TLE3: variants seen among roughly 807,000 people sequenced by gnomAD.
TLE3 encodes the protein TLE family member 3, transcriptional corepressor.
In TLE3, 14 loss-of-function variants were observed where a neutral mutation model predicts 93.0. The observed-to-expected ratio is 0.15, with a 90% CI of 0.10 to 0.24. TLE3 has a LOEUF of 0.24. TLE3 is among the 10% of genes least tolerant of loss of function. The pLI, the probability that TLE3 is intolerant of heterozygous loss-of-function variation, is 1.00. For synonymous variants in TLE3, 451 were observed against 425.0 expected (o/e 1.06, Z -0.75); for missense variants, 693 against 1,046.6 (o/e 0.66, Z 4.66).
At chr15:70,065,983 C>G (rs772409231) in intron 7 of TLE3, 31 bp downstream of exon 7, 19 of 1,466,128 alleles carry the variant, frequency 1.3e-5, no homozygotes, top group Middle Eastern at 2.1e-4. Context: ...ACCCCTGCCC[C>G]GCCCCACCCT....
chr15:70,067,450 C>T (rs2056883168), intron 6 of TLE3, among the ~76,000 whole-genome samples: 2 of 152,248 alleles, frequency 1.3e-5, no homozygotes, highest in Admixed American at 1.3e-4. Flanking sequence ...TAGTAATTGG[C>T]CAAATCCCAC....
intron 16 of TLE3, chr15:70,053,911 C>T (rs1305637010): frequency 6.2e-6 from 1 of 160,130 alleles, no homozygotes; most frequent in Non-Finnish European, 1.4e-5. Context: ...CCCATGTATA[C>T]AAGAGTCAGC....
chr15:70,074,232 G>A (rs979206665), intron 6 of TLE3, among the ~76,000 whole-genome samples: 4 of 152,202 alleles, frequency 2.6e-5, no homozygotes, highest in African/African-American at 9.6e-5. Context: ...GTGACCCTAG[G>A]CCCCCACCCT....
rs758240165 is a variant in TLE3 at position 70,096,791 on chromosome 15, G to A, written c.8C>T (p.Pro3Leu). MY[P>L]QGRHPAPHQP... is the part of the protein sequence containing the mutation. ...ATTACTCACCGGATGTCTGCCCTGC[G>A]GATACATGGCAGGGAGGGGTCGTGA... is the stretch of plus-strand genomic sequence containing the variant. The change falls in exon 1 of 20, where the codon CCG becomes CTG. Residue 3 changes from proline to leucine, a missense_variant. Pro to Leu is a moderately conservative substitution (Grantham distance 98). This residue lies in a region of TLE3 where 31 missense variants were observed against 24.0 expected (regional missense o/e 1.29). Coordinates refer to ENST00000451782, the MANE Select transcript of TLE3 (RefSeq NM_001105192.3). 1.2e-6 allele frequency: 2 copies of A among 1,613,244 alleles called. No individual in the cohort carries two copies. The highest frequency in any genetic ancestry group is 1.3e-5 in the African/African-American group (1 of 75,028).
At position 70,050,027 on chromosome 15, in the gene TLE3, G is replaced by A. The variant is rs79517073; in HGVS notation, c.*70C>T. 9.7e-5 allele frequency: 138 copies of A among 1,419,090 alleles called. No individual in the cohort carries two copies. The East Asian group carries it at 1.1e-3, about 12-fold the overall frequency. The allele number at this position is 1,419,090 out of a possible 1,614,324, so 87.9% of individuals were successfully genotyped here. A position where few individuals can be genotyped will look rare whatever the true frequency, so the allele number is the denominator to read the frequency against. ...TCCTCCGCCATCCTCGGGGCCCCTC[G>A]CCTGGGGGTCTCCCTGTCAGAGCCG... On this transcript the variant is annotated 3_prime_UTR_variant, in exon 20 of 20. Coordinates refer to ENST00000451782, the MANE Select transcript of TLE3 (RefSeq NM_001105192.3).
At chr15:70,073,356 C>T (rs183892881) in intron 6 of TLE3, among the ~76,000 whole-genome samples, 11 of 152,208 alleles carry the variant, frequency 7.2e-5, no homozygotes, top group Non-Finnish European at 1.3e-4. Flanking sequence ...CTGCCCCAGG[C>T]GGAAAAGTCA....
At chr15:70,052,350 G>A (rs1403950256) in intron 18 of TLE3, 24 bp downstream of exon 18, 1 of 1,610,666 alleles carries the variant, frequency 6.2e-7, no homozygotes, top group Non-Finnish European at 8.5e-7. Flanking sequence ...CACTCCATCA[G>A]GCCTGGGCCC....
At chr15:70,061,640 T>C (rs905170861) in intron 8 of TLE3, among the ~76,000 whole-genome samples, 1 of 152,086 alleles carries the variant, frequency 6.6e-6, no homozygotes, top group Non-Finnish European at 1.5e-5. Flanking sequence ...GAGACTAATA[T>C]CAGGACCAAT....
Position 70,050,034 on chromosome 15 carries a change from G to C in TLE3, c.*63C>G. ...CCATCCTCGGGGCCCCTCGCCTGGG[G>C]GTCTCCCTGTCAGAGCCGAGTCGGT... is the stretch of plus-strand genomic sequence containing the variant. On this transcript the variant is annotated 3_prime_UTR_variant, in exon 20 of 20. Coordinates refer to ENST00000451782, the MANE Select transcript of TLE3 (RefSeq NM_001105192.3). The C allele has an allele frequency of 6.8e-7, 1 of 1,460,030 alleles. No individual in the cohort carries two copies. Among genetic ancestry groups the C allele is most frequent in the Non-Finnish European group, 9.6e-7 (1 of 1,042,526 alleles). 90.4% of individuals were successfully genotyped at this position (1,460,030 alleles called of 1,614,324 possible).
intron 12 of TLE3, chr15:70,057,939 G>T: frequency 1.2e-6 from 1 of 809,042 alleles, no homozygotes; most frequent in Non-Finnish European, 1.9e-6. Flanking sequence ...GATTTTGGGA[G>T]CCCTGACCCG....
At chr15:70,092,284 G>C (rs558439408) in intron 4 of TLE3, among the ~76,000 whole-genome samples, 1 of 152,172 alleles carries the variant, frequency 6.6e-6, no homozygotes, top group South Asian at 2.1e-4. Context: ...TGCATTTCAC[G>C]GCACAGGTTT....
chr15:70,066,062 G>A lies in TLE3; in HGVS notation c.529C>T (p.His177Tyr), dbSNP rs746365780. Residue 177 changes from histidine to tyrosine, a missense_variant, in exon 7 of 20, where the codon CAT becomes TAT. By Grantham distance (83) the His-to-Tyr change is moderately conservative (BLOSUM62 2). Transcript: ENST00000451782. Reference sequence around the variant, plus strand: ...TTCTTCTCATCCTTCACCGTCAGATGGGCCTGGCTGCCCAGGGCGCCCAGT... The same window carrying A: ...TTCTTCTCATCCTTCACCGTCAGATAGGCCTGGCTGCCCAGGGCGCCCAGT... ...LALGALGSQA[H>Y]LTVKDEKNHH... 6.4e-7 allele frequency: 1 copy of A among 1,572,888 alleles called. No homozygotes were observed. The highest frequency in any genetic ancestry group is 1.1e-5 in the South Asian group (1 of 89,610).
intron 4 of TLE3, among the ~76,000 whole-genome samples, chr15:70,091,950 A>G (rs1289289537): frequency 6.6e-6 from 1 of 152,176 alleles, no homozygotes; most frequent in Non-Finnish European, 1.5e-5. Flanking sequence ...CATCTATTAT[A>G]TAAAAGTACA....
At chr15:70,050,272 C>T in intron 19 of TLE3, 68 bp from the exon 20 acceptor site, 2 of 1,216,328 alleles carry the variant, frequency 1.6e-6, no homozygotes. Flanking sequence ...GACAGGAATT[C>T]ATTTTCCAGT....
chr15:70,052,859 G>A (rs1006831622), intron 17 of TLE3: 1 of 304,520 alleles, frequency 3.3e-6, no homozygotes, highest in Non-Finnish European at 6.0e-6. Context: ...TTTACTGAAT[G>A]CTTTCTGTGA....
chr15:70,064,503 G>A (rs2056691708), intron 7 of TLE3, 33 bp from the exon 8 acceptor site: 1 of 1,613,752 alleles, frequency 6.2e-7, no homozygotes, highest in South Asian at 1.1e-5. Context: ...CAGGAGGAAG[G>A]TCAGGCACCC....
rs1319918559 is a variant in TLE3, at chr15:70,054,530, G to A, written c.1734C>T (p.Ala578=). The change falls in exon 16 of 20, where the codon GCC becomes GCT. Residue 578 remains alanine (A), a synonymous_variant. Coordinates refer to ENST00000451782, the MANE Select transcript of TLE3 (RefSeq NM_001105192.3). ...CTTTGGCGTCAGGGCTAATGGCCAG[G>A]GCATAACAGGCGGGAGCCGAGGACG... ...ELTSSAPACY[A]LAISPDAKVC... 6.2e-7 allele frequency: 1 copy of A among 1,614,036 alleles called. No individual in the cohort carries two copies. Among genetic ancestry groups the A allele is most frequent in the Admixed American group, 1.7e-5 (1 of 60,032 alleles).
intron 8 of TLE3, among the ~76,000 whole-genome samples, chr15:70,061,920 G>T (rs935221987): frequency 6.6e-6 from 1 of 152,224 alleles, no homozygotes; most frequent in African/African-American, 2.4e-5. Flanking sequence ...GTTCAGAAGA[G>T]AAGAGCATCA....
intron 17 of TLE3, chr15:70,052,895 G>C: frequency 3.0e-6 from 1 of 334,964 alleles, no homozygotes. Flanking sequence ...ACGCCTTTTA[G>C]AGGGATCATT....
Sources: gnomAD v4.1 joint callset for allele counts (sites outside exome capture counted in the v4.1 genomes callset) on GRCh38, gnomAD v4.1.1 for gene constraint, gnomAD v4.1.1 regional missense constraint, MANE v1.5 for transcripts, NCBI Gene and HGNC (gene_info 2026-07-23, HGNC 2026-07-21) for gene names.